RALYL: variants seen among roughly 807,000 people sequenced by gnomAD.
RALYL encodes RNA-binding Raly-like protein.
Under a neutral mutation model 35.1 loss-of-function variants are expected in RALYL, and 29 were observed. That is an observed-to-expected ratio of 0.83 (90% CI 0.61 to 1.13). RALYL has a LOEUF of 1.13. Among genes scored for constraint, RALYL ranks in the 50% most tolerant of loss-of-function variants. RALYL has a pLI of 0.00. For missense variants in RALYL, 359 were observed against 360.4 expected (o/e 1.00, Z 0.03); for synonymous variants, 120 against 127.6 (o/e 0.94, Z 0.40).
intron 1 of RALYL, among the ~76,000 whole-genome samples, chr8:84,251,847 C>CT (rs899957302): frequency 9.5e-4 from 143 of 150,404 alleles, no homozygotes; most frequent in Middle Eastern, 3.4e-3. Flanking sequence ...ATTTTCATTT[C>CT]TTTTTTTTTC....
chr8:84,448,267 G>A (rs925189847), intron 1 of RALYL, among the ~76,000 whole-genome samples: 3 of 151,984 alleles, frequency 2.0e-5, no homozygotes, highest in South Asian at 2.1e-4. Context: ...GTGTGGAGGT[G>A]TACAAGCATG....
chr8:84,784,211 T>G (rs1563596640), intron 3 of RALYL, among the ~76,000 whole-genome samples: 1 of 152,184 alleles, frequency 6.6e-6, no homozygotes, highest in Non-Finnish European at 1.5e-5. Context: ...CATGCAGAGA[T>G]GCTTTAGCAG....
intron 1 of RALYL, among the ~76,000 whole-genome samples, chr8:84,513,376 T>C (rs1351786635): frequency 6.6e-6 from 1 of 152,176 alleles, no homozygotes; most frequent in African/African-American, 2.4e-5. Flanking sequence ...TAGCAATTTT[T>C]GTAGCTATTT....
At chr8:84,763,763 A>G (rs933073629) in intron 2 of RALYL, among the ~76,000 whole-genome samples, 18 of 152,206 alleles carry the variant, frequency 1.2e-4, no homozygotes, top group Non-Finnish European at 1.8e-4. Context: ...ACTTTTTTTA[A>G]AATCCAAATT....
At chr8:84,350,860 A>G (rs775911854) in intron 1 of RALYL, among the ~76,000 whole-genome samples, 3 of 150,132 alleles carry the variant, frequency 2.0e-5, no homozygotes, top group Non-Finnish European at 3.0e-5. Context: ...CTATGCTCCG[A>G]AGAGCTTTGC....
intron 2 of RALYL, among the ~76,000 whole-genome samples, chr8:84,635,133 A>T (rs939138582): frequency 6.6e-6 from 1 of 151,852 alleles, no homozygotes; most frequent in Non-Finnish European, 1.5e-5. Flanking sequence ...CAGTGCGTTA[A>T]GTAGCAGGCT....
At chr8:84,359,238 G>A (rs971694565) in intron 1 of RALYL, among the ~76,000 whole-genome samples, 3 of 78,986 alleles carry the variant, frequency 3.8e-5, no homozygotes, top group Non-Finnish European at 6.6e-5. Flanking sequence ...TATTTTGAGA[G>A]CTTTTTTTTT....
intron 2 of RALYL, among the ~76,000 whole-genome samples, chr8:84,625,289 G>A (rs1217832079): frequency 6.6e-6 from 1 of 152,142 alleles, no homozygotes; most frequent in Non-Finnish European, 1.5e-5. Context: ...AAATGATATA[G>A]TAATTATAGG....
chr8:84,494,636 G>A (rs1218768873), intron 1 of RALYL, among the ~76,000 whole-genome samples: 1 of 152,006 alleles, frequency 6.6e-6, no homozygotes, highest in African/African-American at 2.4e-5. Context: ...TGTATTCCTA[G>A]ATATTTTATT....
At chr8:84,610,556 C>T (rs192678698) in intron 2 of RALYL, among the ~76,000 whole-genome samples, 5 of 152,150 alleles carry the variant, frequency 3.3e-5, no homozygotes, top group Admixed American at 6.6e-5. Flanking sequence ...TGTTATTCTT[C>T]GCTGCTCTTC....
At chr8:84,458,065 T>G (rs1481432436) in intron 1 of RALYL, among the ~76,000 whole-genome samples, 1 of 151,858 alleles carries the variant, frequency 6.6e-6, no homozygotes, top group Non-Finnish European at 1.5e-5. Context: ...ACCATTGGCA[T>G]CTGATCAAAA....
chr8:84,489,384 G>C (rs1445508606), intron 1 of RALYL, among the ~76,000 whole-genome samples: 2 of 151,994 alleles, frequency 1.3e-5, no homozygotes, highest in East Asian at 1.9e-4. Context: ...GAAACTTCTA[G>C]ATCTAAGACG....
chr8:84,510,908 T>A (rs2057562684), intron 1 of RALYL, among the ~76,000 whole-genome samples: 1 of 152,188 alleles, frequency 6.6e-6, no homozygotes, highest in Non-Finnish European at 1.5e-5. Flanking sequence ...AATTAATAGA[T>A]CAATCACCTC....
At chr8:84,819,271 A>G (rs537527378) in intron 4 of RALYL, among the ~76,000 whole-genome samples, 31 of 152,272 alleles carry the variant, frequency 2.0e-4, no homozygotes, top group Non-Finnish European at 3.5e-4. Flanking sequence ...CTATTTTTGT[A>G]ATCTAAAGCA....
At chr8:84,479,729 C>A (rs1231454089) in intron 1 of RALYL, among the ~76,000 whole-genome samples, 1 of 152,132 alleles carries the variant, frequency 6.6e-6, no homozygotes, top group Admixed American at 6.5e-5. Flanking sequence ...CCCCTTGAAT[C>A]TAGTTTTCAG....
rs1460723947 is a variant in RALYL, at chr8:84,892,565, G to A, written c.858+4789G>A. Among the ~76,000 whole-genome samples the A allele has an allele frequency of 2.7e-5, 4 of 150,138 alleles. No individual in the cohort carries two copies. The East Asian group carries it at 7.8e-4, about 29-fold the overall frequency. ...ACGGGGGTTGTTGTGAGTTGAGATT[G>A]AGCCATTGCACTCCAGCCTGGGCAA... is the stretch of plus-strand genomic sequence containing the variant. On this transcript the variant is annotated intron_variant, in intron 8 of 8. Coordinates refer to ENST00000521268, the MANE Select transcript of RALYL (RefSeq NM_173848.7).
At chr8:84,527,284 C>T (rs1035469437) in intron 1 of RALYL, among the ~76,000 whole-genome samples, 3 of 152,054 alleles carry the variant, frequency 2.0e-5, no homozygotes, top group Non-Finnish European at 4.4e-5. Flanking sequence ...GAGCAGAGTC[C>T]AAGATAGCAT....
intron 6 of RALYL, among the ~76,000 whole-genome samples, chr8:84,867,577 A>G (rs1839397186): frequency 6.6e-6 from 1 of 152,202 alleles, no homozygotes; most frequent in Non-Finnish European, 1.5e-5. Flanking sequence ...CCTACACTCC[A>G]GGGTCTAAAA....
At chr8:84,375,549 G>A (rs971136222) in intron 1 of RALYL, among the ~76,000 whole-genome samples, 8 of 151,692 alleles carry the variant, frequency 5.3e-5, no homozygotes, top group Non-Finnish European at 8.8e-5. Flanking sequence ...TATGGAACAC[G>A]CTAATCCCAC....
Sources: gnomAD v4.1 joint callset for allele counts (sites outside exome capture counted in the v4.1 genomes callset) on GRCh38, gnomAD v4.1.1 for gene constraint, MANE v1.5 for transcripts, NCBI Gene and HGNC (gene_info 2026-07-23, HGNC 2026-07-21) for gene names.